Variants in CAMK4 observed in about 807,000 individuals in gnomAD.
CAMK4 encodes the protein calcium/calmodulin-dependent protein kinase type IV.
In CAMK4, 22 loss-of-function variants were observed where a neutral mutation model predicts 44.9. The observed-to-expected ratio is 0.49, with a 90% confidence interval of 0.35 to 0.70. The LOEUF (loss-of-function observed/expected upper bound fraction) is 0.70. CAMK4 is among the 30% of genes least tolerant of loss of function. The pLI is 0.01. For missense variants in CAMK4, 498 were observed against 586.8 expected, an observed-to-expected ratio of 0.85 and a Z score of 1.56; for synonymous variants, 218 against 215.4, an observed-to-expected ratio of 1.01 and a Z score of -0.11.
At chr5:111,268,931 A>G (rs747248870) in intron 1 of CAMK4, among the ~76,000 whole-genome samples, 1 of 152,232 alleles carries the variant, frequency 6.6e-6, no homozygotes, top group Non-Finnish European at 1.5e-5. Flanking sequence ...TATTATATCA[A>G]TTTAAGAAAG....
chr5:111,442,612 T>TG (rs1370590691), intron 5 of CAMK4, among the ~76,000 whole-genome samples: 1 of 149,740 alleles, frequency 6.7e-6, no homozygotes, highest in African/African-American at 2.4e-5. Context: ...TACCAGACAA[T>TG]GCAGAAGCAA....
intron 1 of CAMK4, among the ~76,000 whole-genome samples, chr5:111,271,183 C>T (rs559912112): frequency 3.2e-4 from 48 of 152,242 alleles, no homozygotes; most frequent in African/African-American, 1.1e-3. Context: ...GACACAGAGC[C>T]AAACCATATC....
In CAMK4 at chr5:111,492,554, A is replaced by C. The variant is rs1205574409; in HGVS notation, c.*8088A>C. ...GATCATTGATGGACAAATACTTTAG[A>C]AATGAATGAAGTCAATAGCTAATGT... is the stretch of plus-strand genomic sequence containing the variant. On this transcript the variant is annotated 3_prime_UTR_variant, in exon 11 of 11. Transcript: ENST00000282356. The C allele has an allele frequency of 6.6e-6, 1 of 152,208 alleles. No individual in the cohort carries two copies. Among genetic ancestry groups the C allele is most frequent in the African/African-American group, 2.4e-5 (1 of 41,460 alleles). 9.4% of individuals were successfully genotyped at this position (152,208 alleles called of 1,614,324 possible). A position where few individuals can be genotyped will look rare whatever the true frequency, so the allele number is the denominator to read the frequency against.
rs528295176 is a variant in CAMK4 at position 111,491,000 on chromosome 5, A to G, written c.*6534A>G. Reference sequence around the variant, plus strand: ...GAACTAAAGGTATCAGTAAAAGATTATTAGTAAACAAATTAGTTATTTATG... The same window carrying G: ...GAACTAAAGGTATCAGTAAAAGATTGTTAGTAAACAAATTAGTTATTTATG... On this transcript the variant is annotated 3_prime_UTR_variant, in exon 11 of 11. Transcript: ENST00000282356. 6.6e-6 allele frequency: 1 copy of G among 152,336 alleles called. No homozygotes were observed. The highest frequency in any genetic ancestry group is 2.1e-4 in the South Asian group (1 of 4,824). The allele number at this position is 152,336 out of a possible 1,614,324, so 9.4% of individuals were successfully genotyped here.
At position 111,344,012 on chromosome 5, in the gene CAMK4, T is replaced by C. The variant is rs762015045; in HGVS notation, c.162-12T>C. ...AGCATAACATTTTCTTTTTGTCTTT[T>C]TCCCCCTCAAGGGGTGCTACATCCA... On this transcript the variant is annotated splice_polypyrimidine_tract_variant and intron_variant, in intron 1 of 10. Coordinates refer to ENST00000282356, the MANE Select transcript of CAMK4 (RefSeq NM_001744.6). The C allele has an allele frequency of 4.5e-6, 7 of 1,542,140 alleles. No homozygotes were observed. The highest frequency in any genetic ancestry group is 1.4e-5 in the African/African-American group (1 of 72,648).
intron 1 of CAMK4, among the ~76,000 whole-genome samples, chr5:111,291,574 A>C (rs1125419): frequency 6.6e-6 from 1 of 152,064 alleles, no homozygotes; most frequent in East Asian, 1.9e-4. Flanking sequence ...GCTGGAGTGT[A>C]GTAGCATTAT....
At chr5:111,463,912 C>A (rs944367654) in intron 7 of CAMK4, among the ~76,000 whole-genome samples, 1 of 151,972 alleles carries the variant, frequency 6.6e-6, no homozygotes, top group Non-Finnish European at 1.5e-5. Context: ...AAAAACAATT[C>A]TGGTAATATG....
intron 1 of CAMK4, among the ~76,000 whole-genome samples, chr5:111,321,115 G>A (rs1748645034): frequency 6.6e-6 from 1 of 152,080 alleles, no homozygotes; most frequent in Non-Finnish European, 1.5e-5. Flanking sequence ...CTCTGCTTTG[G>A]TTACCAGGAA....
intron 1 of CAMK4, among the ~76,000 whole-genome samples, chr5:111,278,097 G>A (rs926436978): frequency 1.7e-4 from 26 of 152,262 alleles, no homozygotes; most frequent in African/African-American, 5.8e-4. Context: ...TGTTTTTAGG[G>A]CATTCCTCTG....
At chr5:111,444,582 G>A (rs1350357549) in intron 5 of CAMK4, among the ~76,000 whole-genome samples, 2 of 152,054 alleles carry the variant, frequency 1.3e-5, no homozygotes, top group Non-Finnish European at 2.9e-5. Context: ...ATCTCCCTGA[G>A]GCCCTCTCTG....
intron 5 of CAMK4, among the ~76,000 whole-genome samples, chr5:111,404,737 G>A (rs188583272): frequency 1.6e-4 from 25 of 152,254 alleles, no homozygotes; most frequent in African/African-American, 2.9e-4. Context: ...TTGACCTCCC[G>A]TCCCATCATA....
chr5:111,423,485 C>T (rs180721173), intron 5 of CAMK4, among the ~76,000 whole-genome samples: 1 of 152,264 alleles, frequency 6.6e-6, no homozygotes, highest in East Asian at 1.9e-4. Flanking sequence ...AGGTTCTGAC[C>T]ATCTGTGCAA....
chr5:111,291,742 C>A (rs1747271583), intron 1 of CAMK4, among the ~76,000 whole-genome samples: 2 of 152,248 alleles, frequency 1.3e-5, no homozygotes, highest in South Asian at 4.1e-4. Flanking sequence ...AACTCCTGGC[C>A]TCAAGCAATC....
At chr5:111,263,333 T>A (rs1750079097) in intron 1 of CAMK4, among the ~76,000 whole-genome samples, 1 of 152,196 alleles carries the variant, frequency 6.6e-6, no homozygotes. Context: ...ATGAGGAAAA[T>A]GAAGGAAAGA....
At chr5:111,227,549 G>A (rs1452544017) in intron 1 of CAMK4, among the ~76,000 whole-genome samples, 1 of 152,134 alleles carries the variant, frequency 6.6e-6, no homozygotes, top group Non-Finnish European at 1.5e-5. Context: ...AGATTGGACG[G>A]TGACCACTGG....
intron 7 of CAMK4, among the ~76,000 whole-genome samples, chr5:111,463,165 G>C (rs889150648): frequency 6.6e-6 from 1 of 152,154 alleles, no homozygotes; most frequent in African/African-American, 2.4e-5. Context: ...GTGGTAGACA[G>C]ATTGGATTCA....
chr5:111,457,711 A>G (rs1017239222), intron 7 of CAMK4, among the ~76,000 whole-genome samples: 1 of 152,244 alleles, frequency 6.6e-6, no homozygotes, highest in African/African-American at 2.4e-5. Context: ...AATAAAAGAA[A>G]TACATCTCAT....
chr5:111,297,060 G>A (rs1747513107), intron 1 of CAMK4, among the ~76,000 whole-genome samples: 1 of 152,170 alleles, frequency 6.6e-6, no homozygotes, highest in Non-Finnish European at 1.5e-5. Flanking sequence ...AATGGTGGAG[G>A]ATCCACCTTG....
At chr5:111,408,525 A>C (rs1752517718) in intron 5 of CAMK4, among the ~76,000 whole-genome samples, 1 of 152,138 alleles carries the variant, frequency 6.6e-6, no homozygotes, top group South Asian at 2.1e-4. Flanking sequence ...ATTCAAGGTG[A>C]GATTTGGGTG....
Sources: allele counts gnomAD v4.1 joint callset (sites outside exome capture counted in the v4.1 genomes callset), GRCh38; gene constraint gnomAD v4.1.1; transcripts MANE v1.5; gene names NCBI Gene and HGNC (gene_info 2026-07-23, HGNC 2026-07-21).